Variants in ARHGDIB observed in about 807,000 individuals in gnomAD.
ARHGDIB encodes rho GDP-dissociation inhibitor 2.
In ARHGDIB, 20 loss-of-function variants were observed where a neutral mutation model predicts 22.6. That is an observed-to-expected ratio of 0.88 (90% CI 0.62 to 1.28). The LOEUF (loss-of-function observed/expected upper bound fraction) is 1.28. Ranked by LOEUF, ARHGDIB falls within the 50% of genes most tolerant of loss-of-function variation. ARHGDIB has a pLI of 0.00. For synonymous variants in ARHGDIB, 114 were observed against 96.1 expected, an observed-to-expected ratio of 1.19 and a Z score of -1.09; for missense variants, 254 against 245.4, an observed-to-expected ratio of 1.04 and a Z score of -0.23.
chr12:14,960,561 T>C (rs377411667), intron 1 of ARHGDIB, among the ~76,000 whole-genome samples: 3 of 152,324 alleles, frequency 2.0e-5, no homozygotes, highest in South Asian at 4.1e-4. Flanking sequence ...TGGAGTGCAA[T>C]GGCGTGATCT....
chr12:14,949,216 C>A (rs961425072), intron 3 of ARHGDIB, among the ~76,000 whole-genome samples: 3 of 152,134 alleles, frequency 2.0e-5, no homozygotes, highest in Admixed American at 2.0e-4. Context: ...CAGTCTCTCT[C>A]CTCCTCAAGC....
chr12:14,952,967 A>AAGAGAGAGAAAGAG (rs925499460), intron 1 of ARHGDIB, among the ~76,000 whole-genome samples: 11 of 152,130 alleles, frequency 7.2e-5, no homozygotes, highest in Non-Finnish European at 1.5e-4. Flanking sequence ...TGAAAAGAGA[A>AAGAGAGAGAAAGAG]AGAGAGAGAA....
chr12:14,949,737 C>T lies in ARHGDIB; in HGVS notation c.265+65G>A. ...AGTTTTCTTCTGTTGGAACAGGAGA[C>T]AGAGACCAAGTTTTCTTTGTGATAT... On this transcript the variant is annotated intron_variant, in intron 3 of 5. Transcript: ENST00000228945. 3.4e-6 allele frequency: 5 copies of T among 1,486,542 alleles called. No homozygotes were observed. The East Asian group carries it at 9.1e-5, about 27-fold the overall frequency. The allele number at this position is 1,486,542 out of a possible 1,614,324, so 92.1% of individuals were successfully genotyped here.
intron 4 of ARHGDIB, among the ~76,000 whole-genome samples, chr12:14,947,466 T>C (rs1232407980): frequency 6.6e-6 from 1 of 152,212 alleles, no homozygotes; most frequent in Admixed American, 6.5e-5. Context: ...CAATATATAT[T>C]CATGAACTAT....
chr12:14,955,932 T>A (rs1471774435), intron 1 of ARHGDIB, among the ~76,000 whole-genome samples: 1 of 152,228 alleles, frequency 6.6e-6, no homozygotes, highest in Non-Finnish European at 1.5e-5. Flanking sequence ...TAGTGCTAAG[T>A]GCTTTCTAGA....
chr12:14,960,244 T>C (rs1864383698), intron 1 of ARHGDIB, among the ~76,000 whole-genome samples: 1 of 152,196 alleles, frequency 6.6e-6, no homozygotes, highest in Admixed American at 6.5e-5. Flanking sequence ...ACCATAGGTC[T>C]AGAGTTTAAT....
chr12:14,948,729 CA>C (rs1457468247), intron 3 of ARHGDIB: 1 of 152,174 alleles, frequency 6.6e-6, no homozygotes, highest in Non-Finnish European at 1.5e-5. Context: ...GCAATACTAC[CA>C]GGTCCTGCTG....
chr12:14,957,236 C>T (rs759747789), intron 1 of ARHGDIB, among the ~76,000 whole-genome samples: 9 of 152,154 alleles, frequency 5.9e-5, no homozygotes, highest in South Asian at 2.1e-4. Flanking sequence ...TTCTTTTTTA[C>T]GGGGTTGAAA....
At position 14,950,577 on chromosome 12, in the gene ARHGDIB, T is replaced by G; in HGVS notation, c.136A>C (p.Ile46Leu). 6.2e-7 allele frequency: 1 copy of G among 1,613,994 alleles called. No homozygotes were observed. Among genetic ancestry groups the G allele is most frequent in the Non-Finnish European group, 8.5e-7 (1 of 1,179,920 alleles). Reference sequence around the variant, plus strand: ...CCCAGCAGCGTTTTCTTGTACTTAATTAGACTCTCATCATCTTTGTCCATT... The same window carrying G: ...CCCAGCAGCGTTTTCTTGTACTTAAGTAGACTCTCATCATCTTTGTCCATT... Reference protein sequence around the residue: ...QEMDKDDESLIKYKKTLLGDG... With the variant: ...QEMDKDDESLLKYKKTLLGDG... Residue 46 changes from isoleucine to leucine, a missense_variant, in exon 2 of 6, where the codon ATT becomes CTT. Coordinates refer to ENST00000228945, the MANE Select transcript of ARHGDIB (RefSeq NM_001175.7).
At chr12:14,953,363 C>T (rs1410594869) in intron 1 of ARHGDIB, among the ~76,000 whole-genome samples, 1 of 152,092 alleles carries the variant, frequency 6.6e-6, no homozygotes, top group Non-Finnish European at 1.5e-5. Flanking sequence ...AATAATACAA[C>T]AAATAAAGGA....
chr12:14,951,130 A>T (rs2120726160), intron 1 of ARHGDIB: 1 of 157,298 alleles, frequency 6.4e-6, no homozygotes, highest in African/African-American at 2.4e-5. Context: ...AGCTTGCAGC[A>T]TGCACAGTCT....
chr12:14,943,929 G>A (rs975977035), intron 5 of ARHGDIB, among the ~76,000 whole-genome samples: 1 of 152,176 alleles, frequency 6.6e-6, no homozygotes, highest in East Asian at 1.9e-4. Context: ...TTTTTCATGA[G>A]ACTAGGTATC....
intron 1 of ARHGDIB, among the ~76,000 whole-genome samples, chr12:14,958,496 A>G (rs571340930): frequency 6.6e-6 from 1 of 152,328 alleles, no homozygotes; most frequent in East Asian, 1.9e-4. Context: ...GTGTTTTTCT[A>G]ACCCACATTC....
chr12:14,961,480 T>G (rs1034501873), intron 1 of ARHGDIB, 57 bp downstream of exon 1: 19 of 152,278 alleles, frequency 1.2e-4, no homozygotes, highest in African/African-American at 4.6e-4. Flanking sequence ...TCTAGAGGTT[T>G]CCGACTTTGC....
At chr12:14,944,618 T>G (rs1863965438) in intron 5 of ARHGDIB, among the ~76,000 whole-genome samples, 158 bp downstream of exon 5, 1 of 152,220 alleles carries the variant, frequency 6.6e-6, no homozygotes, top group African/African-American at 2.4e-5. Flanking sequence ...CTTGTCAATG[T>G]CTATATCAGA....
chr12:14,950,756 C>G, intron 1 of ARHGDIB, 32 bp from the exon 2 acceptor site: 2 of 1,546,742 alleles, frequency 1.3e-6, no homozygotes, highest in Non-Finnish European at 1.7e-6. Context: ...CGTTAGTCAA[C>G]AAGTCATGAA....
At chr12:14,954,843 C>CA (rs1317828289) in intron 1 of ARHGDIB, among the ~76,000 whole-genome samples, 1 of 151,324 alleles carries the variant, frequency 6.6e-6, no homozygotes, top group African/African-American at 2.4e-5. Flanking sequence ...GGCACAGAAA[C>CA]AAAAAAAGGG....
chr12:14,954,401 G>T lies in ARHGDIB; in HGVS notation c.-12-3677C>A, dbSNP rs1432224856. 3.9e-5 allele frequency among the ~76,000 whole-genome samples: 6 copies of T among 152,352 alleles called. No individual in the cohort carries two copies. In the East Asian group the frequency reaches 9.6e-4, roughly 24 times the overall value. ...TCAGGTGACACCTGTGTCTGAGGGC[G>T]CATGACCACAAAGCCTGGCAGAGAA... On this transcript the variant is annotated intron_variant, in intron 1 of 5. Coordinates refer to ENST00000228945, the MANE Select transcript of ARHGDIB (RefSeq NM_001175.7).
Position 14,942,458 on chromosome 12 carries a change from G to A in ARHGDIB, c.*64C>T. 1 of 1,568,608 alleles carries A rather than the reference G, an allele frequency of 6.4e-7. No homozygotes were observed. The highest frequency in any genetic ancestry group is 8.8e-7 in the Non-Finnish European group (1 of 1,141,470). Reference sequence around the variant, plus strand: ...CAGCTGTGGACAGGGAGGAGGGACAGGGTGCTGAACACGCCTGAGAGAATT... The same window carrying A: ...CAGCTGTGGACAGGGAGGAGGGACAAGGTGCTGAACACGCCTGAGAGAATT... On this transcript the variant is annotated 3_prime_UTR_variant, in exon 6 of 6. Coordinates refer to ENST00000228945, the MANE Select transcript of ARHGDIB (RefSeq NM_001175.7).
Sources: gnomAD v4.1 joint callset for allele counts (sites outside exome capture counted in the v4.1 genomes callset) on GRCh38, gnomAD v4.1.1 for gene constraint, MANE v1.5 for transcripts, NCBI Gene and HGNC (gene_info 2026-07-23, HGNC 2026-07-21) for gene names.